Variants in MYO5C observed in about 807,000 individuals in gnomAD.
MYO5C encodes the protein myosin VC, also known as unconventional myosin-Vc.
In MYO5C, 194 loss-of-function variants were observed where a neutral mutation model predicts 235.7. The observed-to-expected ratio is 0.82, with a 90% CI of 0.73 to 0.93. The LOEUF is 0.93. Among genes scored for constraint, MYO5C ranks in the 40% least tolerant of loss-of-function variants. The pLI is 0.00. For synonymous variants in MYO5C, 707 were observed against 754.8 expected (o/e 0.94, Z 1.04); for missense variants, 2,038 against 2,127.2 (o/e 0.96, Z 0.82).
intron 32 of MYO5C, among the ~76,000 whole-genome samples, chr15:52,216,212 T>A (rs11636051): frequency 6.6e-6 from 1 of 151,972 alleles, no homozygotes; most frequent in Non-Finnish European, 1.5e-5. Flanking sequence ...ATTATTATTA[T>A]TATTAGTAGT....
chr15:52,280,798 A>G (rs1301965389), intron 2 of MYO5C, among the ~76,000 whole-genome samples: 1 of 152,216 alleles, frequency 6.6e-6, no homozygotes, highest in Non-Finnish European at 1.5e-5. Context: ...ACAGGTTCAG[A>G]AAGTTGGAGT....
intron 36 of MYO5C, 74 bp downstream of exon 36, chr15:52,208,480 A>G (rs2035371183): frequency 5.1e-6 from 7 of 1,382,908 alleles, no homozygotes; most frequent in Non-Finnish European, 6.1e-6. Context: ...TAGAGGCTCT[A>G]TTGAGCTCTG....
intron 10 of MYO5C, among the ~76,000 whole-genome samples, chr15:52,258,846 C>A (rs528576698): frequency 6.6e-6 from 1 of 152,346 alleles, no homozygotes; most frequent in African/African-American, 2.4e-5. Flanking sequence ...GGTTTTTCCA[C>A]ATAGCTGAAA....
At chr15:52,247,392 G>C in intron 15 of MYO5C, 66 bp downstream of exon 15, 1 of 1,551,364 alleles carries the variant, frequency 6.4e-7, no homozygotes, top group Non-Finnish European at 8.7e-7. Context: ...GGTCCTCTGA[G>C]TGCCCTGGCT....
At chr15:52,287,819 A>C (rs1293754035) in intron 1 of MYO5C, among the ~76,000 whole-genome samples, 1 of 152,180 alleles carries the variant, frequency 6.6e-6, no homozygotes, top group African/African-American at 2.4e-5. Flanking sequence ...TCTACTAAAA[A>C]TACAAAAGTA....
chr15:52,260,497 C>T (rs1441771717), intron 10 of MYO5C, among the ~76,000 whole-genome samples: 2 of 152,146 alleles, frequency 1.3e-5, no homozygotes, highest in Admixed American at 6.5e-5. Flanking sequence ...CTCCCACCAG[C>T]GGAGCAATTG....
intron 1 of MYO5C, among the ~76,000 whole-genome samples, chr15:52,283,832 T>C (rs1450848841): frequency 1.3e-5 from 2 of 151,934 alleles, no homozygotes; most frequent in Non-Finnish European, 2.9e-5. Flanking sequence ...CCCGCCACCA[T>C]GCCTGGCTAA....
intron 4 of MYO5C, among the ~76,000 whole-genome samples, chr15:52,276,232 A>C (rs1299223959): frequency 6.6e-6 from 1 of 152,190 alleles, no homozygotes; most frequent in Non-Finnish European, 1.5e-5. Flanking sequence ...AGGACTCAGC[A>C]TATAGTCATC....
At chr15:52,286,977 T>TAAAA (rs1468980549) in intron 1 of MYO5C, among the ~76,000 whole-genome samples, 1 of 139,824 alleles carries the variant, frequency 7.2e-6, no homozygotes, top group Admixed American at 7.1e-5. Context: ...AAAGAAAAAC[T>TAAAA]AACAAACAAA....
chr15:52,218,732 T>C (rs1427020855), intron 31 of MYO5C, 45 bp from the exon 32 acceptor site: 9 of 1,594,420 alleles, frequency 5.6e-6, no homozygotes, highest in Admixed American at 3.4e-5. Context: ...ATGACGGTCA[T>C]GGAGAAGTCA....
rs915713934 is a variant in MYO5C at position 52,219,752 on chromosome 15, C to G, written c.3785+7G>C. The G allele has an allele frequency of 1.2e-6, 2 of 1,604,708 alleles. No homozygotes were observed. Among genetic ancestry groups the G allele is most frequent in the Admixed American group, 3.3e-5 (2 of 59,844 alleles). ...TGAACTTGAGGTACACACATATTTA[C>G]ACTTACTTTCTTTGTGTTCCTTCCT... On this transcript the variant is annotated splice_region_variant and intron_variant, in intron 31 of 40. Coordinates refer to ENST00000261839, the MANE Select transcript of MYO5C (RefSeq NM_018728.4).
At chr15:52,277,027 C>A (rs193250140) in intron 4 of MYO5C, 11 of 455,936 alleles carry the variant, frequency 2.4e-5, no homozygotes, top group African/African-American at 8.2e-5. Flanking sequence ...CACAGCCTCC[C>A]ATGTAAATGC....
intron 1 of MYO5C, among the ~76,000 whole-genome samples, chr15:52,291,839 C>T (rs1004727347): frequency 8.7e-5 from 13 of 148,820 alleles, no homozygotes; most frequent in South Asian, 2.2e-4. Flanking sequence ...CCCGGGTTCA[C>T]GCCATTCTCC....
intron 38 of MYO5C, among the ~76,000 whole-genome samples, chr15:52,200,748 C>T (rs1042230031): frequency 1.3e-5 from 2 of 151,976 alleles, no homozygotes; most frequent in Admixed American, 6.6e-5. Flanking sequence ...CTGACCAAGA[C>T]TTTAAAGAAG....
chr15:52,225,574 C>T (rs559302840), intron 25 of MYO5C, 42 bp from the exon 26 acceptor site: 17 of 1,350,776 alleles, frequency 1.3e-5, no homozygotes, highest in East Asian at 2.3e-5. Flanking sequence ...GAAAAAACAA[C>T]GATTATGCTT....
In MYO5C at chr15:52,295,693, G is replaced by T; in HGVS notation, c.-57C>A. 8.0e-7 allele frequency: 1 copy of T among 1,249,708 alleles called. No homozygotes were observed. Among genetic ancestry groups the T allele is most frequent in the Non-Finnish European group, 1.0e-6 (1 of 957,984 alleles). 77.4% of individuals were successfully genotyped at this position (1,249,708 alleles called of 1,614,324 possible). On this transcript the variant is annotated 5_prime_UTR_variant, in exon 1 of 41. Transcript: ENST00000261839. ...GCCGAACGTGCGAGGCTCGGGGGCT[G>T]GGCCTGCGCCGCAGAGGCCGGGCGC...
At chr15:52,237,432 TCA>T (rs761125259) in intron 22 of MYO5C, 48 bp downstream of exon 22, 3 of 1,574,856 alleles carry the variant, frequency 1.9e-6, no homozygotes, top group Non-Finnish European at 2.6e-6. Flanking sequence ...CTCATCTTTT[TCA>T]CAGAGAGTCC....
At chr15:52,213,538 G>C in intron 33 of MYO5C, 1 of 360,032 alleles carries the variant, frequency 2.8e-6, no homozygotes, top group Non-Finnish European at 5.2e-6. Flanking sequence ...ATGAGTGCCT[G>C]ATATGTATCC....
intron 1 of MYO5C, among the ~76,000 whole-genome samples, chr15:52,291,845 T>C (rs902167188): frequency 1.4e-5 from 2 of 146,568 alleles, no homozygotes; most frequent in African/African-American, 5.0e-5. Flanking sequence ...TTCACGCCAT[T>C]CTCCTGCCTC....
Sources: allele counts gnomAD v4.1 joint callset (sites outside exome capture counted in the v4.1 genomes callset), GRCh38; gene constraint gnomAD v4.1.1; transcripts MANE v1.5; gene names NCBI Gene and HGNC (gene_info 2026-07-23, HGNC 2026-07-21).